The following LAMB1 variants were observed in gnomAD, a reference collection of about 807,000 sequenced individuals.
LAMB1 encodes the protein laminin subunit beta-1.
In LAMB1, 121 loss-of-function variants were observed where a neutral mutation model predicts 222.3. That is an observed-to-expected ratio of 0.54 (90% confidence interval 0.47 to 0.63). The LOEUF is 0.63. LAMB1 is among the 30% of genes least tolerant of loss of function. LAMB1 has a pLI of 0.00. For synonymous variants in LAMB1, 794 were observed against 807.2 expected (o/e 0.98, Z 0.28); for missense variants, 2,172 against 2,240.8 (o/e 0.97, Z 0.62).
intron 22 of LAMB1, among the ~76,000 whole-genome samples, chr7:107,952,621 C>G (rs2033282289): frequency 6.6e-6 from 1 of 152,180 alleles, no homozygotes; most frequent in Non-Finnish European, 1.5e-5. Context: ...TTGGACATAG[C>G]AGGTAAAAGC....
At chr7:107,991,640 G>A (rs1431659208) in intron 5 of LAMB1, among the ~76,000 whole-genome samples, 1 of 151,710 alleles carries the variant, frequency 6.6e-6, no homozygotes, top group Non-Finnish European at 1.5e-5. Context: ...GCTGGGCGCG[G>A]TAGCTCACGT....
chr7:107,975,505 T>TCACAAAAGTCGACTAAAA, intron 10 of LAMB1, 92 bp from the exon 11 acceptor site: 1 of 1,350,184 alleles, frequency 7.4e-7, no homozygotes, highest in East Asian at 2.5e-5. Context: ...CCTCTAAATC[T>TCACAAAAGTCGACTAAAA]CACAAAAGTC....
intron 20 of LAMB1, among the ~76,000 whole-genome samples, chr7:107,958,244 C>A (rs2150426245): frequency 6.6e-6 from 1 of 152,272 alleles, no homozygotes; most frequent in East Asian, 1.9e-4. Context: ...ATAACTGTGT[C>A]CTTGCTATCT....
At chr7:107,973,465 A>T (rs1441125851) in intron 12 of LAMB1, among the ~76,000 whole-genome samples, 1 of 152,154 alleles carries the variant, frequency 6.6e-6, no homozygotes, top group Non-Finnish European at 1.5e-5. Context: ...AATCCCATAC[A>T]GAAAGCCCTC....
At chr7:107,939,374 T>C (rs531664448) in intron 25 of LAMB1, among the ~76,000 whole-genome samples, 2 of 152,238 alleles carry the variant, frequency 1.3e-5, no homozygotes, top group South Asian at 2.1e-4. Context: ...CTTTTCAGCA[T>C]AGAGCAGCTG....
intron 24 of LAMB1, among the ~76,000 whole-genome samples, chr7:107,944,529 T>C (rs947853054): frequency 6.6e-6 from 1 of 152,282 alleles, no homozygotes; most frequent in Non-Finnish European, 1.5e-5. Context: ...AAGTTGGGCC[T>C]GACTCTCCGG....
At chr7:107,990,023 TTG>T (rs893797639) in intron 5 of LAMB1, among the ~76,000 whole-genome samples, 2 of 122,190 alleles carry the variant, frequency 1.6e-5, no homozygotes, top group East Asian at 2.1e-4. Flanking sequence ...TATGAGTTTT[TTG>T]TGTTTTTTTT....
chr7:107,968,975 G>T (rs190395344), intron 13 of LAMB1, among the ~76,000 whole-genome samples: 6 of 152,188 alleles, frequency 3.9e-5, no homozygotes, highest in Middle Eastern at 6.8e-3. Context: ...GTGGGTGAAG[G>T]CCAAGATTAT....
intron 24 of LAMB1, among the ~76,000 whole-genome samples, chr7:107,941,682 T>C (rs1268119378): frequency 1.3e-5 from 2 of 151,694 alleles, no homozygotes; most frequent in Admixed American, 6.6e-5. Flanking sequence ...AGACGGAGGT[T>C]TTGCTCTTGT....
chr7:107,936,448 G>A (rs939916936), intron 26 of LAMB1: 4 of 152,216 alleles, frequency 2.6e-5, no homozygotes, highest in African/African-American at 9.7e-5. Context: ...TTATATGCAA[G>A]TGCCATTTTA....
At chr7:107,951,550 T>C (rs549162651) in intron 23 of LAMB1, among the ~76,000 whole-genome samples, 1 of 152,320 alleles carries the variant, frequency 6.6e-6, no homozygotes, top group African/African-American at 2.4e-5. Context: ...CATGTTATTA[T>C]TTATTTACAT....
At chr7:107,962,727 A>C (rs530702480) in intron 15 of LAMB1, among the ~76,000 whole-genome samples, 178 bp downstream of exon 15, 1 of 150,816 alleles carries the variant, frequency 6.6e-6, no homozygotes, top group Admixed American at 6.6e-5. Context: ...AAAAAAAAAG[A>C]AAGAAAGAAA....
At chr7:107,941,519 G>A (rs773921267) in intron 24 of LAMB1, among the ~76,000 whole-genome samples, 1 of 152,082 alleles carries the variant, frequency 6.6e-6, no homozygotes, top group Non-Finnish European at 1.5e-5. Flanking sequence ...GAATCCAAAC[G>A]TCTTTGCCAA....
chr7:107,984,069 T>C (rs2034026460), intron 7 of LAMB1, among the ~76,000 whole-genome samples: 1 of 152,206 alleles, frequency 6.6e-6, no homozygotes, highest in Admixed American at 6.5e-5. Context: ...CAGAGACTTC[T>C]GATTTCTCTT....
At chr7:107,983,807 C>T (rs1352455453) in intron 7 of LAMB1, among the ~76,000 whole-genome samples, 5 of 151,952 alleles carry the variant, frequency 3.3e-5, no homozygotes, top group East Asian at 1.9e-4. Flanking sequence ...TGAGCCACCG[C>T]GCCCAGTGAG....
At chr7:107,969,292 AAAAAAAAAAAAAATCAT>A (rs2033697665) in intron 13 of LAMB1, among the ~76,000 whole-genome samples, 1 of 152,080 alleles carries the variant, frequency 6.6e-6, no homozygotes, top group African/African-American at 2.4e-5. Context: ...CGTCTCAAAA[AAAAAAAAAAAAAATCAT>A]AAATATAGAA....
At position 107,925,986 on chromosome 7, in the gene LAMB1, C is replaced by T. The variant is rs2032554020; in HGVS notation, c.5064+197G>A. 1.3e-5 allele frequency among the ~76,000 whole-genome samples: 2 copies of T among 151,470 alleles called. 1 individual carries two copies. The highest frequency in any genetic ancestry group is 4.1e-4 in the South Asian group (2 of 4,822). On this transcript the variant is annotated intron_variant, in intron 32 of 33. Transcript: ENST00000222399. The stretch of plus-strand genomic sequence containing the variant: ...TCTTGTCCAAATTTGGATTTGAGGA[C>T]ATAGGTCATACTTATTAGATATTTC...
chr7:107,962,707 C>CAA (rs57580761), intron 15 of LAMB1, among the ~76,000 whole-genome samples, 198 bp downstream of exon 15: 4 of 98,670 alleles, frequency 4.1e-5, no homozygotes, highest in African/African-American at 1.1e-4. Context: ...GAGCGAGACT[C>CAA]AAAAAAAAAA....
chr7:108,002,453 G>A, intron 2 of LAMB1: 1 of 1,295,290 alleles, frequency 7.7e-7, no homozygotes, highest in Non-Finnish European at 1.0e-6. Flanking sequence ...TTCCCAGAAT[G>A]AAGCCTCCGC....
Sources: gnomAD v4.1 joint callset for allele counts (sites outside exome capture counted in the v4.1 genomes callset) on GRCh38, gnomAD v4.1.1 for gene constraint, MANE v1.5 for transcripts, NCBI Gene and HGNC (gene_info 2026-07-23, HGNC 2026-07-21) for gene names.